INO80: variants seen among roughly 807,000 people sequenced by gnomAD.
The protein encoded by INO80 is chromatin-remodeling ATPase INO80.
Under a neutral mutation model 203.4 loss-of-function variants are expected in INO80, and 20 were observed. The ratio of observed to expected loss-of-function variants is 0.10; its 90% CI spans 0.07 to 0.14. The LOEUF (loss-of-function observed/expected upper bound fraction) is 0.14. INO80 is among the 10% of genes least tolerant of loss of function. The pLI is 1.00. For synonymous variants in INO80, 726 were observed against 685.2 expected (o/e 1.06, Z -0.93); for missense variants, 1,419 against 1,914.4 (o/e 0.74, Z 4.83).
At chr15:41,093,466 T>A (rs1038976272) in intron 4 of INO80, among the ~76,000 whole-genome samples, 1 of 151,946 alleles carries the variant, frequency 6.6e-6, no homozygotes, top group Non-Finnish European at 1.5e-5. Context: ...TGCTAACGGG[T>A]ACGGGGTTCA....
chr15:40,993,284 T>C (rs1377256021), intron 29 of INO80, among the ~76,000 whole-genome samples: 2 of 152,156 alleles, frequency 1.3e-5, no homozygotes, highest in Non-Finnish European at 2.9e-5. Flanking sequence ...GTTTTTTTTT[T>C]TCTTTAACCA....
chr15:41,099,387 A>T (rs2045774207), intron 1 of INO80, among the ~76,000 whole-genome samples: 1 of 152,022 alleles, frequency 6.6e-6, no homozygotes, highest in Non-Finnish European at 1.5e-5. Context: ...TCTACCAAAA[A>T]TATATTCAAA....
At chr15:41,091,475 T>C (rs148489160) in intron 5 of INO80, among the ~76,000 whole-genome samples, 3 of 152,120 alleles carry the variant, frequency 2.0e-5, no homozygotes, top group African/African-American at 7.2e-5. Flanking sequence ...CACCTAAGTA[T>C]TAAGCCCAGC....
intron 25 of INO80, 90 bp from the exon 26 acceptor site, chr15:41,021,215 T>C (rs567060125): frequency 1.2e-6 from 1 of 825,492 alleles, no homozygotes; most frequent in African/African-American, 1.7e-5. Context: ...ATCAGACTAA[T>C]GTGGATAGTT....
chr15:40,991,365 C>T (rs1293302058), intron 29 of INO80, among the ~76,000 whole-genome samples: 2 of 151,772 alleles, frequency 1.3e-5, no homozygotes, highest in African/African-American at 4.8e-5. Flanking sequence ...AACTAAAAAC[C>T]AAGGCAGATG....
rs147322244 is a variant in INO80, at chr15:41,116,187, C to A, written c.-258G>T. ...GCGGCGGCGCTGAGGCGGCTGCGGG[C>A]GCTGGGCCGGCGGCGGCGGCGGCCA... On this transcript the variant is annotated 5_prime_UTR_variant, in exon 1 of 36. Coordinates refer to ENST00000648947, the MANE Select transcript of INO80 (RefSeq NM_017553.3). 5,344 of 408,174 alleles carry A rather than the reference C, an allele frequency of 0.013. 244 individuals carry two copies. The highest frequency in any genetic ancestry group is 0.1 in the African/African-American group (4,898 of 48,808). The allele number at this position is 408,174 out of a possible 1,614,324, so 25.3% of individuals were successfully genotyped here. A position where few individuals can be genotyped will look rare whatever the true frequency, so the allele number is the denominator to read the frequency against.
chr15:41,026,701 C>G (rs1353726510), intron 25 of INO80, among the ~76,000 whole-genome samples: 1 of 152,160 alleles, frequency 6.6e-6, no homozygotes, highest in Non-Finnish European at 1.5e-5. Flanking sequence ...AAAGTTGCCT[C>G]TTGGAGCAAA....
chr15:41,084,857 C>T (rs1481856195), intron 7 of INO80, among the ~76,000 whole-genome samples: 1 of 152,140 alleles, frequency 6.6e-6, no homozygotes, highest in Non-Finnish European at 1.5e-5. Flanking sequence ...CTGCCTCAGC[C>T]ACTTGCATAG....
intron 29 of INO80, among the ~76,000 whole-genome samples, chr15:40,992,840 T>C (rs1401844389): frequency 1.3e-5 from 2 of 152,236 alleles, no homozygotes; most frequent in Non-Finnish European, 2.9e-5. Flanking sequence ...TTGCCCATGT[T>C]GGAGTGCAGC....
At chr15:41,024,751 A>G (rs978872126) in intron 25 of INO80, 1 of 152,214 alleles carries the variant, frequency 6.6e-6, no homozygotes, top group African/African-American at 2.4e-5. Context: ...TCCTGAACTA[A>G]CCCTCAAGTT....
At position 41,069,008 on chromosome 15, in the gene INO80, T is replaced by C. The variant is rs553863808; in HGVS notation, c.1782+562A>G. The stretch of plus-strand genomic sequence containing the variant: ...TCTATGTTAAACCAAATAAGGTAGA[T>C]GTTTTCTACCGTGGCAGTTTGACCA... On this transcript the variant is annotated intron_variant, in intron 14 of 35. Coordinates refer to ENST00000648947, the MANE Select transcript of INO80 (RefSeq NM_017553.3). Among the ~76,000 whole-genome samples the C allele has an allele frequency of 1.6e-4, 25 of 152,372 alleles. No homozygotes were observed. In the South Asian group the frequency reaches 2.5e-3, roughly 15 times the overall value.
At chr15:41,002,283 A>C (rs879436425) in intron 28 of INO80, among the ~76,000 whole-genome samples, 3 of 152,252 alleles carry the variant, frequency 2.0e-5, no homozygotes, top group Non-Finnish European at 4.4e-5. Context: ...TTTACTAAGT[A>C]GAGCCAAGTA....
rs188691877 is a variant in INO80 at position 40,997,828 on chromosome 15, A to G, written c.3498-227T>C. On this transcript the variant is annotated intron_variant, in intron 28 of 35. Coordinates refer to ENST00000648947, the MANE Select transcript of INO80 (RefSeq NM_017553.3). ...ATTTGCAGATAAACTTTTGCTGCCC[A>G]CTAATAGATGACTGATAGGCAACAC... The G allele has an allele frequency of 3.1e-3, 1,291 of 410,234 alleles. 12 individuals carry two copies. The highest frequency in any genetic ancestry group is 0.01 in the South Asian group (389 of 37,882). 25.4% of individuals were successfully genotyped at this position (410,234 alleles called of 1,614,324 possible).
intron 25 of INO80, among the ~76,000 whole-genome samples, chr15:41,024,122 T>C (rs2044340034): frequency 1.3e-5 from 2 of 152,216 alleles, no homozygotes; most frequent in East Asian, 3.8e-4. Context: ...ATTTTGATGA[T>C]ACCCTTCCAG....
intron 23 of INO80, among the ~76,000 whole-genome samples, chr15:41,046,278 G>C (rs1421765871): frequency 8.0e-6 from 1 of 124,848 alleles, no homozygotes; most frequent in East Asian, 2.5e-4. Context: ...TGCCCGGGCT[G>C]GGGTACAATG....
chr15:41,037,027 C>T (rs375152207), intron 24 of INO80, among the ~76,000 whole-genome samples: 4 of 152,006 alleles, frequency 2.6e-5, no homozygotes, highest in Non-Finnish European at 5.9e-5. Flanking sequence ...CGCTCAAACC[C>T]GGGAGGTGGA....
At chr15:41,108,141 T>C (rs540730759) in intron 1 of INO80, among the ~76,000 whole-genome samples, 103 of 152,298 alleles carry the variant, frequency 6.8e-4, no homozygotes, top group Non-Finnish European at 1.3e-3. Context: ...TAAAGTTCTA[T>C]GGGTTTTGAC....
At chr15:41,041,667 T>A (rs961234223) in intron 24 of INO80, among the ~76,000 whole-genome samples, 28 of 152,194 alleles carry the variant, frequency 1.8e-4, no homozygotes, top group African/African-American at 6.7e-4. Flanking sequence ...GGTCTTGAAC[T>A]CCTGACCTCA....
chr15:41,040,796 G>A (rs1473926307), intron 24 of INO80, among the ~76,000 whole-genome samples: 4 of 151,978 alleles, frequency 2.6e-5, no homozygotes, highest in African/African-American at 9.7e-5. Context: ...AAAAAGGGTG[G>A]GCAGGGGAAG....
Sources: allele counts gnomAD v4.1 joint callset (sites outside exome capture counted in the v4.1 genomes callset), GRCh38; gene constraint gnomAD v4.1.1; transcripts MANE v1.5; gene names NCBI Gene and HGNC (gene_info 2026-07-23, HGNC 2026-07-21).